CLCN7: variants seen among roughly 807,000 people sequenced by gnomAD.
The protein encoded by CLCN7 is H(+)/Cl(-) exchange transporter 7.
A neutral mutation model predicts 102.1 loss-of-function variants in CLCN7; 60 were observed. That is an observed-to-expected ratio of 0.59 (90% CI 0.48 to 0.73). The LOEUF is 0.73. Ranked by LOEUF, CLCN7 falls within the 30% of genes least tolerant of loss-of-function variation. CLCN7 has a pLI of 0.00. For missense variants in CLCN7, 962 were observed against 1,125.7 expected, an observed-to-expected ratio of 0.85 and a Z score of 2.08; for synonymous variants, 560 against 490.5, an observed-to-expected ratio of 1.14 and a Z score of -1.87.
rs140315822 is a variant in CLCN7 at position 1,460,523 on chromosome 16, G to A, written c.489C>T (p.Ile163=). 5.2e-5 allele frequency: 83 copies of A among 1,611,504 alleles called. No individual in the cohort carries two copies. Among genetic ancestry groups the A allele is most frequent in the Non-Finnish European group, 6.5e-5 (77 of 1,178,196 alleles). The change falls in exon 6 of 25, where the codon ATC becomes ATT. Residue 163 remains isoleucine (I), a synonymous_variant. Coordinates refer to ENST00000382745, the MANE Select transcript of CLCN7 (RefSeq NM_001287.6). ...GLKYRVIKGN[I]DKFTEKGGLS... is the part of the protein sequence containing the mutation. ...GTCCGCCCTTCTCTGTGAACTTGTC[G>A]ATATCTGGGGCTCATCAAGGAGGGC... is the stretch of plus-strand genomic sequence containing the variant.
intron 2 of CLCN7, among the ~76,000 whole-genome samples, chr16:1,463,774 GA>G (rs34219752): frequency 0.46 from 66,710 of 144,078 alleles, 15,306 homozygotes; most frequent in African/African-American, 0.51. Context: ...CACCTGCCCA[GA>G]AAAAAAAAAA....
chr16:1,446,941 A>C, intron 24 of CLCN7, 65 bp downstream of exon 24: 2 of 1,439,318 alleles, frequency 1.4e-6, no homozygotes, highest in South Asian at 2.4e-5. Context: ...GCTGAGAGTA[A>C]GCACGGGCAG....
chr16:1,460,536 C>T lies in CLCN7; in HGVS notation c.485-9G>A, dbSNP rs2038918009. On this transcript the variant is annotated splice_polypyrimidine_tract_variant and intron_variant, in intron 5 of 24. Coordinates refer to ENST00000382745, the MANE Select transcript of CLCN7 (RefSeq NM_001287.6). ...TGTGAACTTGTCGATATCTGGGGCT[C>T]ATCAAGGAGGGCTGGCTGCTTCCCC... The T allele has an allele frequency of 1.2e-6, 2 of 1,602,774 alleles. No homozygotes were observed. The highest frequency in any genetic ancestry group is 4.5e-5 in the East Asian group (2 of 44,790).
In CLCN7 at chr16:1,444,970, A is replaced by T. The variant is rs1238175519; in HGVS notation, c.*1661T>A. On this transcript the variant is annotated 3_prime_UTR_variant, in exon 25 of 25. Coordinates refer to ENST00000382745, the MANE Select transcript of CLCN7 (RefSeq NM_001287.6). ...CCGCTGATTTTATTTAACCGAATAT[A>T]TCCAAAATATGATCACTTCCAGGTC... The T allele has an allele frequency of 6.6e-6, 1 of 152,630 alleles. No homozygotes were observed. Among genetic ancestry groups the T allele is most frequent in the Non-Finnish European group, 1.5e-5 (1 of 68,336 alleles). The allele number at this position is 152,630 out of a possible 1,614,324, so 9.5% of individuals were successfully genotyped here. A position where few individuals can be genotyped will look rare whatever the true frequency, so the allele number is the denominator to read the frequency against.
At chr16:1,451,594 G>A in intron 16 of CLCN7, 29 bp downstream of exon 16, 4 of 1,594,648 alleles carry the variant, frequency 2.5e-6, no homozygotes, top group African/African-American at 2.7e-5. Flanking sequence ...TGATCCCAGG[G>A]CCTGCCCAGC....
chr16:1,458,526 G>A (rs917893155), intron 7 of CLCN7, among the ~76,000 whole-genome samples: 3 of 152,228 alleles, frequency 2.0e-5, no homozygotes, highest in African/African-American at 7.2e-5. Context: ...GGGACACACT[G>A]GTCCCGCTCC....
intron 7 of CLCN7, among the ~76,000 whole-genome samples, chr16:1,458,666 C>T (rs1474102876): frequency 6.6e-6 from 1 of 152,200 alleles, no homozygotes. Context: ...ACAGAAGCAA[C>T]CACAGCGGAA....
chr16:1,453,904 G>C lies in CLCN7; in HGVS notation c.1154-10C>G. ...GCTCCAAGCACACCGCCTGCGAACA[G>C]GGGAAAGGCCAGTCAGCGACACCGG... On this transcript the variant is annotated splice_polypyrimidine_tract_variant and intron_variant, in intron 13 of 24. Transcript: ENST00000382745. 6.2e-7 allele frequency: 1 copy of C among 1,612,900 alleles called. No individual in the cohort carries two copies. Among genetic ancestry groups the C allele is most frequent in the Non-Finnish European group, 8.5e-7 (1 of 1,179,866 alleles).
chr16:1,463,572 C>T (rs577882561), intron 2 of CLCN7, among the ~76,000 whole-genome samples: 20 of 152,246 alleles, frequency 1.3e-4, no homozygotes. Flanking sequence ...CTCCTGGGTT[C>T]GATCAATCCA....
At chr16:1,448,298 C>T in intron 21 of CLCN7, 57 bp downstream of exon 21, 2 of 1,604,116 alleles carry the variant, frequency 1.2e-6, no homozygotes, top group African/African-American at 1.3e-5. Context: ...GTGCTTCCCA[C>T]CAATGGACTC....
Position 1,447,467 on chromosome 16 carries a change from G to A in CLCN7, c.2175C>T (p.His725=), listed in dbSNP as rs201745891. 22 of 1,552,980 alleles carry A rather than the reference G, an allele frequency of 1.4e-5. No homozygotes were observed. The highest frequency in any genetic ancestry group is 1.8e-5 in the Non-Finnish European group (21 of 1,148,434). ...TGCACTCCCGCTCGTCCTGGGACAC[G>A]TGGATGGACTGGATGGGTGGGAAGC... ...YPRFPPIQSI[H]VSQDERECTM... The change falls in exon 23 of 25, where the codon CAC becomes CAT. Residue 725 remains histidine, a synonymous_variant. Transcript: ENST00000382745.
In CLCN7 at chr16:1,450,436, C is replaced by T. The variant is rs1014141622; in HGVS notation, c.1617+61G>A. Reference sequence around the variant, plus strand: ...GCCCTGGGACTTCTGCTCCGGCCCGCGATGCCGCAAGACCTGGCTCAGCTG... The same window carrying T: ...GCCCTGGGACTTCTGCTCCGGCCCGTGATGCCGCAAGACCTGGCTCAGCTG... On this transcript the variant is annotated intron_variant, in intron 17 of 24. Coordinates refer to ENST00000382745, the MANE Select transcript of CLCN7 (RefSeq NM_001287.6). 99 of 1,488,942 alleles carry T rather than the reference C, an allele frequency of 6.6e-5. No individual in the cohort carries two copies. In the Middle Eastern group the frequency reaches 6.8e-4, roughly 10 times the overall value. 92.2% of individuals were successfully genotyped at this position (1,488,942 alleles called of 1,614,324 possible). A position where few individuals can be genotyped will look rare whatever the true frequency, so the allele number is the denominator to read the frequency against.
chr16:1,451,903 G>C lies in CLCN7; in HGVS notation c.1354-187C>G, dbSNP rs2038757675. The C allele has an allele frequency of 8.1e-6, 5 of 620,852 alleles. No individual in the cohort carries two copies. In the Admixed American group the frequency reaches 1.1e-4, roughly 13 times the overall value. 38.5% of individuals were successfully genotyped at this position (620,852 alleles called of 1,614,324 possible). ...GGCAAGGAGGACACACAAGGCCCAA[G>C]CCATGGTCACGGAGGGAAAGGAGGA... is the stretch of plus-strand genomic sequence containing the variant. On this transcript the variant is annotated intron_variant, in intron 15 of 24. Transcript: ENST00000382745.
intron 11 of CLCN7, 107 bp downstream of exon 11, chr16:1,455,624 C>G (rs1383524846): frequency 1.7e-6 from 2 of 1,207,398 alleles, no homozygotes; most frequent in Non-Finnish European, 2.4e-6. Flanking sequence ...CACAGGGGGT[C>G]CAGCTCCAGC....
chr16:1,457,040 T>C lies in CLCN7; in HGVS notation c.822+214A>G, dbSNP rs190539328. Among the ~76,000 whole-genome samples the C allele has an allele frequency of 1.9e-4, 29 of 152,122 alleles. No individual in the cohort carries two copies. The highest frequency in any genetic ancestry group is 1.7e-3 in the Admixed American group (26 of 15,288). On this transcript the variant is annotated intron_variant, in intron 9 of 24. Coordinates refer to ENST00000382745, the MANE Select transcript of CLCN7 (RefSeq NM_001287.6). This position sits in a 1 kb window ranked among gnomAD's most constrained non-coding sequence, Gnocchi z 5.4. ...CCCACGGGAAACACTGATGCACGTG[T>C]GGCAGGGGACCCAAGGAGGGAAGCA...
chr16:1,455,499 G>A lies in CLCN7; in HGVS notation c.981+232C>T, dbSNP rs1349978043. 7.6e-6 allele frequency: 5 copies of A among 656,196 alleles called. No individual in the cohort carries two copies. In the African/African-American group the frequency reaches 8.9e-5, roughly 12 times the overall value. The allele number at this position is 656,196 out of a possible 1,614,324, so 40.6% of individuals were successfully genotyped here. A position where few individuals can be genotyped will look rare whatever the true frequency, so the allele number is the denominator to read the frequency against. Reference sequence around the variant, plus strand: ...GTGGGGCAGGGCTGGGTTCCCGGCTGTTTGATCCCCTACCCGGGAGCCACC... The same window carrying A: ...GTGGGGCAGGGCTGGGTTCCCGGCTATTTGATCCCCTACCCGGGAGCCACC... On this transcript the variant is annotated intron_variant, in intron 11 of 24. Coordinates refer to ENST00000382745, the MANE Select transcript of CLCN7 (RefSeq NM_001287.6).
At chr16:1,452,357 C>T (rs1596215342) in intron 15 of CLCN7, 2 of 269,898 alleles carry the variant, frequency 7.4e-6, no homozygotes, top group East Asian at 8.9e-5. Context: ...TCCAGGGCAA[C>T]CGTGTCACAG....
intron 16 of CLCN7, among the ~76,000 whole-genome samples, chr16:1,450,875 G>A (rs1419806561): frequency 8.0e-6 from 1 of 125,106 alleles, no homozygotes; most frequent in Admixed American, 7.8e-5. Context: ...GGCCACAGGG[G>A]AAGAGGCTCT....
At chr16:1,459,016 AG>A in intron 7 of CLCN7, 90 bp downstream of exon 7, 1 of 1,112,130 alleles carries the variant, frequency 9.0e-7, no homozygotes, top group Non-Finnish European at 1.3e-6. Flanking sequence ...GGCTGAGGCC[AG>A]TTCTGGAAGG....
Sources: allele counts gnomAD v4.1 joint callset (sites outside exome capture counted in the v4.1 genomes callset), GRCh38; gene constraint gnomAD v4.1.1; non-coding constraint Gnocchi (gnomAD v3.1); transcripts MANE v1.5; gene names NCBI Gene and HGNC (gene_info 2026-07-23, HGNC 2026-07-21).